The following PTPRN2 variants were observed in gnomAD, a reference collection of about 807,000 sequenced individuals.
PTPRN2 encodes the protein receptor-type tyrosine-protein phosphatase N2.
A neutral mutation model predicts 118.8 loss-of-function variants in PTPRN2; 74 were observed. The observed-to-expected ratio is 0.62, with a 90% CI of 0.52 to 0.76. PTPRN2 has a LOEUF of 0.76. PTPRN2 is among the 30% of genes least tolerant of loss of function. The pLI is 0.00. For synonymous variants in PTPRN2, 641 were observed against 608.0 expected (o/e 1.05, Z -0.80); for missense variants, 1,481 against 1,394.4 (o/e 1.06, Z -0.99).
chr7:157,956,317 G>A (rs186234999), intron 11 of PTPRN2, among the ~76,000 whole-genome samples: 92 of 152,244 alleles, frequency 6.0e-4, no homozygotes, highest in African/African-American at 1.7e-3. Context: ...AGCCGTGATC[G>A]CTCCGGTCCA....
chr7:157,915,667 A>T (rs1585010159), intron 11 of PTPRN2, among the ~76,000 whole-genome samples: 1 of 152,214 alleles, frequency 6.6e-6, no homozygotes, highest in East Asian at 1.9e-4. Flanking sequence ...AGACCACAAG[A>T]TCATGAATGC....
chr7:158,320,931 T>C (rs1802960563), intron 2 of PTPRN2, among the ~76,000 whole-genome samples: 1 of 152,162 alleles, frequency 6.6e-6, no homozygotes, highest in Non-Finnish European at 1.5e-5. Flanking sequence ...AATTTCTAAA[T>C]ACATCTGGTA....
intron 11 of PTPRN2, among the ~76,000 whole-genome samples, chr7:157,950,311 C>T (rs1046047643): frequency 1.4e-4 from 22 of 152,168 alleles, no homozygotes; most frequent in African/African-American, 4.6e-4. Context: ...TCTGAGTGAA[C>T]GGAGGTTGTG....
chr7:158,524,436 CGTCTACCCTGGAGCGGA>C (rs1428090471), intron 1 of PTPRN2, among the ~76,000 whole-genome samples: 6 of 138,002 alleles, frequency 4.3e-5, no homozygotes, highest in African/African-American at 1.8e-4. Context: ...GGAGTGGAGT[CGTCTACCCTGGAGCGGA>C]GTCTGCCCTG....
At chr7:158,341,509 T>A (rs1236935154) in intron 2 of PTPRN2, among the ~76,000 whole-genome samples, 4 of 122,118 alleles carry the variant, frequency 3.3e-5, no homozygotes, top group Admixed American at 8.3e-5. Flanking sequence ...CGTGCAGACG[T>A]CACTCACACC....
At chr7:157,628,759 C>T (rs1803756354) in intron 14 of PTPRN2, among the ~76,000 whole-genome samples, 1 of 152,166 alleles carries the variant, frequency 6.6e-6, no homozygotes, top group South Asian at 2.1e-4. Context: ...CTCAGTGTTT[C>T]AGTAGAGGAA....
chr7:157,872,825 A>AG (rs1333927112), intron 12 of PTPRN2, among the ~76,000 whole-genome samples: 1 of 152,170 alleles, frequency 6.6e-6, no homozygotes, highest in Non-Finnish European at 1.5e-5. Flanking sequence ...GGCGGGGTAG[A>AG]GGGGTGACGG....
At chr7:158,110,329 C>T (rs1280621371) in intron 10 of PTPRN2, among the ~76,000 whole-genome samples, 1 of 152,250 alleles carries the variant, frequency 6.6e-6, no homozygotes, top group Non-Finnish European at 1.5e-5. Flanking sequence ...GCCCTGCATG[C>T]CTCATGCCCA....
At chr7:158,432,963 C>T (rs941918724) in intron 2 of PTPRN2, among the ~76,000 whole-genome samples, 1 of 152,190 alleles carries the variant, frequency 6.6e-6, no homozygotes, top group Non-Finnish European at 1.5e-5. Flanking sequence ...AGCCCCGCCC[C>T]CATCCTCTCA....
chr7:158,058,764 C>T (rs1810033659), intron 11 of PTPRN2, among the ~76,000 whole-genome samples: 1 of 106,308 alleles, frequency 9.4e-6, no homozygotes, highest in African/African-American at 4.6e-5. Flanking sequence ...TCCATCTGCC[C>T]ACGGTGAGAC....
At chr7:157,707,470 C>T (rs1304676224) in intron 12 of PTPRN2, among the ~76,000 whole-genome samples, 2 of 152,218 alleles carry the variant, frequency 1.3e-5, no homozygotes, top group African/African-American at 4.8e-5. Flanking sequence ...TACGTGCCCG[C>T]TAAGTACCCT....
chr7:158,088,854 G>A (rs1207737131), intron 10 of PTPRN2, among the ~76,000 whole-genome samples: 2 of 4,214 alleles, frequency 4.7e-4, no homozygotes, highest in Admixed American at 3.5e-3. Context: ...CTGATGAAAG[G>A]GGGAGTCTTC....
At chr7:157,693,333 G>T (rs1410463544) in intron 12 of PTPRN2, among the ~76,000 whole-genome samples, 1 of 152,052 alleles carries the variant, frequency 6.6e-6, no homozygotes. Flanking sequence ...AGAACCCTAG[G>T]GTGGCGACAG....
At chr7:158,282,266 G>T (rs113700816) in intron 3 of PTPRN2, among the ~76,000 whole-genome samples, 1 of 151,228 alleles carries the variant, frequency 6.6e-6, no homozygotes, top group Non-Finnish European at 1.5e-5. Flanking sequence ...TTGAGTAACT[G>T]GTCTTTTCCG....
chr7:157,675,192 G>A (rs1035204262), intron 13 of PTPRN2, among the ~76,000 whole-genome samples: 4 of 152,140 alleles, frequency 2.6e-5, no homozygotes, highest in Admixed American at 6.5e-5. Flanking sequence ...AGCGGCTCGC[G>A]TCCTTCGGAG....
intron 13 of PTPRN2, among the ~76,000 whole-genome samples, chr7:157,660,222 A>C (rs1280101097): frequency 6.6e-6 from 1 of 152,128 alleles, no homozygotes; most frequent in Non-Finnish European, 1.5e-5. Flanking sequence ...CGAGAATGTG[A>C]CCCTCTGGGG....
At chr7:158,251,538 T>G (rs1199888778) in intron 3 of PTPRN2, among the ~76,000 whole-genome samples, 1 of 140,358 alleles carries the variant, frequency 7.1e-6, no homozygotes, top group African/African-American at 2.7e-5. Context: ...GTGGGGGGTG[T>G]GCAATGGATG....
chr7:158,001,846 G>A (rs1009535920), intron 11 of PTPRN2, among the ~76,000 whole-genome samples: 4 of 152,222 alleles, frequency 2.6e-5, no homozygotes, highest in African/African-American at 4.8e-5. Context: ...GCCAGGCACC[G>A]AGGAGGTGCT....
intron 3 of PTPRN2, among the ~76,000 whole-genome samples, chr7:158,256,881 C>T (rs1489995073): frequency 6.6e-6 from 1 of 152,132 alleles, no homozygotes; most frequent in Non-Finnish European, 1.5e-5. Flanking sequence ...ATAACCTAAA[C>T]TTATGCAAAA....
Sources: gnomAD v4.1 joint callset for allele counts (sites outside exome capture counted in the v4.1 genomes callset) on GRCh38, gnomAD v4.1.1 for gene constraint, MANE v1.5 for transcripts, NCBI Gene and HGNC (gene_info 2026-07-23, HGNC 2026-07-21) for gene names.